Variants in ASXL2 observed in about 807,000 individuals in gnomAD.
ASXL2 encodes the protein ASXL transcriptional regulator 2.
A neutral mutation model predicts 122.0 loss-of-function variants in ASXL2; 23 were observed. That is an observed-to-expected ratio of 0.19 (90% CI 0.14 to 0.27). The LOEUF is 0.27. Among genes scored for constraint, ASXL2 ranks in the 10% least tolerant of loss-of-function variants. ASXL2 has a pLI of 1.00. For missense variants in ASXL2, 1,518 were observed against 1,713.8 expected (o/e 0.89, Z 2.02); for synonymous variants, 650 against 637.0 (o/e 1.02, Z -0.31).
At chr2:25,830,409 A>G (rs2089436059) in intron 3 of ASXL2, among the ~76,000 whole-genome samples, 1 of 152,206 alleles carries the variant, frequency 6.6e-6, no homozygotes, top group Non-Finnish European at 1.5e-5. Flanking sequence ...AGACAGGTAT[A>G]TCACCTGAGG....
chr2:25,811,533 A>G (rs1285407891), intron 3 of ASXL2, among the ~76,000 whole-genome samples: 1 of 152,080 alleles, frequency 6.6e-6, no homozygotes, highest in African/African-American at 2.4e-5. Context: ...AAAAATGGAA[A>G]AAAGGACGTG....
intron 3 of ASXL2, chr2:25,810,761 C>G (rs775276498): frequency 7.6e-5 from 42 of 556,170 alleles, no homozygotes; most frequent in Middle Eastern, 5.0e-4. Context: ...CCAGTACTAC[C>G]TTTGGAATTT....
intron 5 of ASXL2, among the ~76,000 whole-genome samples, chr2:25,772,751 AAAAAAG>A (rs1222240861): frequency 1.3e-5 from 2 of 149,936 alleles, no homozygotes; most frequent in East Asian, 3.9e-4. Context: ...AAAAAAAAAA[AAAAAAG>A]GTACATACGT....
At chr2:25,856,860 G>T in intron 1 of ASXL2, 1 of 820,702 alleles carries the variant, frequency 1.2e-6, no homozygotes, top group Non-Finnish European at 2.1e-6. Flanking sequence ...CGAGGTCCAA[G>T]TGGCCCAGTC....
chr2:25,805,567 T>C (rs1279471928), intron 4 of ASXL2, among the ~76,000 whole-genome samples: 1 of 152,088 alleles, frequency 6.6e-6, no homozygotes, highest in Non-Finnish European at 1.5e-5. Context: ...GAAATGAGAA[T>C]GTAATGTAAA....
At chr2:25,771,353 T>A (rs979014140) in intron 6 of ASXL2, 87 bp downstream of exon 6, 3 of 1,270,024 alleles carry the variant, frequency 2.4e-6, no homozygotes, top group African/African-American at 1.5e-5. Context: ...ATGTAAAAAA[T>A]TTTCAAAAAA....
At chr2:25,824,142 A>G (rs1375211154) in intron 3 of ASXL2, among the ~76,000 whole-genome samples, 1 of 149,778 alleles carries the variant, frequency 6.7e-6, no homozygotes, top group East Asian at 1.9e-4. Context: ...ATAATTTGAA[A>G]CTATGTTTAT....
chr2:25,803,349 C>T (rs576729090), intron 4 of ASXL2, among the ~76,000 whole-genome samples: 2 of 152,302 alleles, frequency 1.3e-5, no homozygotes, highest in South Asian at 4.1e-4. Context: ...TTCCTGAGTT[C>T]AGTGAGTCAT....
At chr2:25,756,178 ACCTT>A in intron 9 of ASXL2, 64 bp from the exon 10 acceptor site, 1 of 937,396 alleles carries the variant, frequency 1.1e-6, no homozygotes, top group South Asian at 2.2e-5. Flanking sequence ...GTCGTATTTG[ACCTT>A]CCTTTCATTT....
At chr2:25,797,325 A>G (rs918795306) in intron 5 of ASXL2, among the ~76,000 whole-genome samples, 4 of 152,116 alleles carry the variant, frequency 2.6e-5, no homozygotes, top group Admixed American at 2.0e-4. Flanking sequence ...GGCGCCTGTA[A>G]TCCCAGCTAC....
At chr2:25,838,419 T>C (rs1214304273) in intron 2 of ASXL2, among the ~76,000 whole-genome samples, 1 of 152,232 alleles carries the variant, frequency 6.6e-6, no homozygotes, top group Non-Finnish European at 1.5e-5. Flanking sequence ...TACTGTGTAC[T>C]TTCTGGTCTT....
Position 25,736,980 on chromosome 2 carries a change from T to G in ASXL2, c.*5049A>C, listed in dbSNP as rs1232298116. 2 of 152,186 alleles carry G rather than the reference T, an allele frequency of 1.3e-5. No homozygotes were observed. The highest frequency in any genetic ancestry group is 2.9e-5 in the Non-Finnish European group (2 of 68,032). 9.4% of individuals were successfully genotyped at this position (152,186 alleles called of 1,614,324 possible). A position where few individuals can be genotyped will look rare whatever the true frequency, so the allele number is the denominator to read the frequency against. ...TGAGTTCTCGTGGATTAGACAGCAA[T>G]CTCGGTATGGGAACATAGACAACCT... On this transcript the variant is annotated 3_prime_UTR_variant, in exon 13 of 13. Transcript: ENST00000435504.
At chr2:25,765,121 AT>A (rs1198917591) in intron 8 of ASXL2, among the ~76,000 whole-genome samples, 1 of 152,188 alleles carries the variant, frequency 6.6e-6, no homozygotes, top group Non-Finnish European at 1.5e-5. Context: ...GCTAGAAAGT[AT>A]TTTATATAAA....
chr2:25,757,486 A>G (rs1218571595), intron 9 of ASXL2, among the ~76,000 whole-genome samples: 1 of 149,848 alleles, frequency 6.7e-6, no homozygotes, highest in East Asian at 1.9e-4. Context: ...AAAAAAAAAA[A>G]AAAAGAAAGA....
At chr2:25,856,652 G>C (rs1386651093) in intron 1 of ASXL2, 2 of 1,258,502 alleles carry the variant, frequency 1.6e-6, no homozygotes, top group East Asian at 4.7e-5. Flanking sequence ...TCTCCCCAGA[G>C]TGGTGGCTCA....
chr2:25,856,749 A>G, intron 1 of ASXL2: 1 of 1,303,622 alleles, frequency 7.7e-7, no homozygotes, highest in South Asian at 1.2e-5. Flanking sequence ...CTTCAGCAGC[A>G]GACAGCTGCA....
chr2:25,782,252 A>G (rs2088655537), intron 5 of ASXL2, among the ~76,000 whole-genome samples: 1 of 152,040 alleles, frequency 6.6e-6, no homozygotes, highest in African/African-American at 2.4e-5. Flanking sequence ...GTGTTGATAT[A>G]AACAACTCTA....
At chr2:25,870,469 A>G (rs907669023) in intron 1 of ASXL2, among the ~76,000 whole-genome samples, 3 of 152,206 alleles carry the variant, frequency 2.0e-5, no homozygotes, top group Admixed American at 2.0e-4. Context: ...GGTTGCAGTG[A>G]GCCAAGATTG....
chr2:25,785,563 T>C (rs2088726374), intron 5 of ASXL2, among the ~76,000 whole-genome samples: 1 of 151,862 alleles, frequency 6.6e-6, no homozygotes, highest in African/African-American at 2.4e-5. Flanking sequence ...CTTTATTTTT[T>C]CTGAGACAGA....
Sources: gnomAD v4.1 joint callset for allele counts (sites outside exome capture counted in the v4.1 genomes callset) on GRCh38, gnomAD v4.1.1 for gene constraint, MANE v1.5 for transcripts, NCBI Gene and HGNC (gene_info 2026-07-23, HGNC 2026-07-21) for gene names.